STARD13: variants seen among roughly 807,000 people sequenced by gnomAD.
The protein encoded by STARD13 is StAR related lipid transfer domain containing 13.
STARD13 carries 62 observed loss-of-function variants against 106.4 expected under a neutral mutation model. The ratio of observed to expected loss-of-function variants is 0.58; its 90% confidence interval spans 0.48 to 0.72. STARD13 has a LOEUF of 0.72. Among genes scored for constraint, STARD13 ranks in the 30% least tolerant of loss-of-function variants. The pLI is 0.00. For synonymous variants in STARD13, 565 were observed against 553.0 expected (o/e 1.02, Z -0.31); for missense variants, 1,387 against 1,424.0 (o/e 0.97, Z 0.42).
the STARD13 span, among the ~76,000 whole-genome samples, chr13:33,385,721 G>A: frequency 6.6e-6 from 1 of 151,348 alleles, no homozygotes; most frequent in Admixed American, 6.6e-5. Context: ...TTAGCTGGGC[G>A]TGGTGGTGCA....
chr13:33,216,074 G>A (rs1379381234), intron 1 of STARD13, among the ~76,000 whole-genome samples: 2 of 152,084 alleles, frequency 1.3e-5, no homozygotes, highest in South Asian at 2.1e-4. Context: ...ATAGATGTTG[G>A]CGTGGATGCG....
At chr13:33,299,764 T>C (rs1892639837) in intron 1 of STARD13, among the ~76,000 whole-genome samples, 1 of 152,214 alleles carries the variant, frequency 6.6e-6, no homozygotes, top group Non-Finnish European at 1.5e-5. Context: ...ATTTCATGAA[T>C]GCCTACTCTG....
the STARD13 span, chr13:33,511,455 G>T: frequency 6.6e-6 from 1 of 152,108 alleles, no homozygotes; most frequent in Non-Finnish European, 1.5e-5. Context: ...GGCATTAAAA[G>T]GTAGCTAAGG....
the STARD13 span, among the ~76,000 whole-genome samples, chr13:33,506,710 T>C: frequency 1.3e-5 from 2 of 152,214 alleles, no homozygotes; most frequent in African/African-American, 4.8e-5. Flanking sequence ...TAAAAAGATA[T>C]GAAAAGCTCA....
chr13:33,118,297 C>T (rs1320632585), intron 7 of STARD13, 34 bp from the exon 8 acceptor site: 1 of 1,590,226 alleles, frequency 6.3e-7, no homozygotes, highest in Non-Finnish European at 8.6e-7. Context: ...GTCAGCCAGG[C>T]CACACTTGGT....
At chr13:33,593,429 C>G in the STARD13 span, among the ~76,000 whole-genome samples, 1 of 152,100 alleles carries the variant, frequency 6.6e-6, no homozygotes, top group Admixed American at 6.5e-5. Flanking sequence ...AGGTGATCCC[C>G]GCCTTGGCCT....
At chr13:33,561,254 C>T in the STARD13 span, among the ~76,000 whole-genome samples, 2 of 150,924 alleles carry the variant, frequency 1.3e-5, 1 homozygote, top group African/African-American at 4.9e-5. Context: ...AAAAAGAAAA[C>T]ACAAGTCTAT....
At chr13:33,432,177 TG>T in the STARD13 span, among the ~76,000 whole-genome samples, 1 of 152,094 alleles carries the variant, frequency 6.6e-6, no homozygotes, top group Non-Finnish European at 1.5e-5. Flanking sequence ...GTTCTGATGC[TG>T]GGAGAGAGAG....
intron 7 of STARD13, among the ~76,000 whole-genome samples, chr13:33,121,714 G>A (rs1045017574): frequency 5.9e-5 from 8 of 135,628 alleles, no homozygotes; most frequent in Admixed American, 8.6e-5. Context: ...CTGTCTATCA[G>A]GGCTGGAGTG....
intron 1 of STARD13, among the ~76,000 whole-genome samples, chr13:33,328,233 A>C (rs1281256334): frequency 1.3e-5 from 2 of 152,208 alleles, no homozygotes; most frequent in Non-Finnish European, 2.9e-5. Flanking sequence ...TTTATTCTAA[A>C]CCAATATGTT....
At chr13:33,618,737 A>G in the STARD13 span, among the ~76,000 whole-genome samples, 1 of 152,010 alleles carries the variant, frequency 6.6e-6, no homozygotes, top group Non-Finnish European at 1.5e-5. Flanking sequence ...GATGAGCCCC[A>G]TATTTGTCCT....
the STARD13 span, among the ~76,000 whole-genome samples, chr13:33,427,006 G>A: frequency 1.1e-4 from 16 of 152,188 alleles, no homozygotes; most frequent in Non-Finnish European, 1.5e-4. Context: ...CTTTTAGGTA[G>A]AGGTGGTTAT....
the STARD13 span, among the ~76,000 whole-genome samples, chr13:33,599,706 G>A: frequency 6.6e-6 from 1 of 152,154 alleles, no homozygotes; most frequent in Non-Finnish European, 1.5e-5. Flanking sequence ...CGCTATGAGA[G>A]AGAGAGTGAG....
chr13:33,348,273 A>T (rs964914819), downstream of STARD13, among the ~76,000 whole-genome samples: 1 of 152,230 alleles, frequency 6.6e-6, no homozygotes, highest in Non-Finnish European at 1.5e-5. Flanking sequence ...AGCTTTCTAT[A>T]TATTCACGAT....
the STARD13 span, among the ~76,000 whole-genome samples, chr13:33,455,906 G>A: frequency 3.2e-4 from 49 of 151,974 alleles, no homozygotes; most frequent in Middle Eastern, 3.4e-3. Context: ...ATCGCACCAC[G>A]GCACTCCAGC....
chr13:33,596,426 G>T, the STARD13 span, among the ~76,000 whole-genome samples: 2 of 152,110 alleles, frequency 1.3e-5, no homozygotes, highest in Admixed American at 1.3e-4. Context: ...TATATTTAGT[G>T]ATTCATAATG....
chr13:33,367,155 G>T, the STARD13 span, among the ~76,000 whole-genome samples: 1 of 152,144 alleles, frequency 6.6e-6, no homozygotes, highest in African/African-American at 2.4e-5. Flanking sequence ...AAAAACAAGG[G>T]AAAAGCATAT....
chr13:33,146,646 G>T (rs774471686), intron 3 of STARD13, among the ~76,000 whole-genome samples: 1 of 152,142 alleles, frequency 6.6e-6, no homozygotes, highest in Non-Finnish European at 1.5e-5. Context: ...AGTGAAAAAG[G>T]TTAAGTGAAA....
chr13:33,601,960 G>A, the STARD13 span, among the ~76,000 whole-genome samples: 9 of 152,120 alleles, frequency 5.9e-5, no homozygotes, highest in Non-Finnish European at 1.5e-5. Context: ...CAGTCGTATG[G>A]AAAAACATTT....
Sources: gnomAD v4.1 joint callset for allele counts (sites outside exome capture counted in the v4.1 genomes callset) on GRCh38, gnomAD v4.1.1 for gene constraint, MANE v1.5 for transcripts, NCBI Gene and HGNC (gene_info 2026-07-23, HGNC 2026-07-21) for gene names.